Variants in NPR3 observed in about 807,000 individuals in gnomAD.
The protein encoded by NPR3 is atrial natriuretic peptide receptor 3.
Under a neutral mutation model 54.5 loss-of-function variants are expected in NPR3, and 34 were observed. That is an observed-to-expected ratio of 0.62 (90% CI 0.47 to 0.83). The LOEUF is 0.83. NPR3 is among the 40% of genes least tolerant of loss of function. The pLI is 0.00. For missense variants in NPR3, 674 were observed against 720.8 expected (o/e 0.94, Z 0.74); for synonymous variants, 289 against 297.1 (o/e 0.97, Z 0.28).
At chr5:32,713,894 C>T (rs1738400909) in intron 1 of NPR3, among the ~76,000 whole-genome samples, 1 of 152,254 alleles carries the variant, frequency 6.6e-6, no homozygotes, top group Non-Finnish European at 1.5e-5. Context: ...GAACTCCAGG[C>T]TGTCTGTGCC....
At chr5:32,702,114 G>T (rs1466818275) in intron 1 of NPR3, among the ~76,000 whole-genome samples, 1 of 152,110 alleles carries the variant, frequency 6.6e-6, no homozygotes, top group Non-Finnish European at 1.5e-5. Context: ...TTCTCTTCAG[G>T]ATGCTGAGTT....
intron 3 of NPR3, among the ~76,000 whole-genome samples, chr5:32,754,040 C>T (rs141480441): frequency 5.3e-5 from 8 of 152,296 alleles, no homozygotes; most frequent in East Asian, 1.9e-4. Context: ...ACTGACAGGC[C>T]ACTGCCAGCT....
At chr5:32,775,181 T>TA (rs1243130571) in intron 4 of NPR3, among the ~76,000 whole-genome samples, 1 of 152,200 alleles carries the variant, frequency 6.6e-6, no homozygotes, top group Non-Finnish European at 1.5e-5. Flanking sequence ...TAATCCCAGA[T>TA]ATACATTCAT....
At chr5:32,773,387 G>C (rs994035374) in intron 3 of NPR3, among the ~76,000 whole-genome samples, 5 of 152,230 alleles carry the variant, frequency 3.3e-5, no homozygotes, top group Middle Eastern at 3.4e-3. Flanking sequence ...TAGGTAAGGG[G>C]TGAACTAAAG....
chr5:32,713,040 T>C (rs1259873454), intron 1 of NPR3: 2 of 431,222 alleles, frequency 4.6e-6, no homozygotes, highest in Non-Finnish European at 6.2e-6. Flanking sequence ...TTGGGGTTTC[T>C]CTGACTGTTG....
intron 3 of NPR3, among the ~76,000 whole-genome samples, chr5:32,750,095 T>C (rs911703094): frequency 6.6e-6 from 1 of 152,188 alleles, no homozygotes; most frequent in African/African-American, 2.4e-5. Flanking sequence ...ACTTTGGTTG[T>C]AGTTTTTCAG....
intron 3 of NPR3, among the ~76,000 whole-genome samples, chr5:32,764,528 C>T (rs1440156548): frequency 1.3e-5 from 2 of 152,068 alleles, no homozygotes; most frequent in Non-Finnish European, 2.9e-5. Context: ...TGGCTCCTGT[C>T]TGTAATCCCA....
chr5:32,750,554 G>A (rs1303603381), intron 3 of NPR3, among the ~76,000 whole-genome samples: 1 of 152,052 alleles, frequency 6.6e-6, no homozygotes, highest in African/African-American at 2.4e-5. Flanking sequence ...GTGTTTATAT[G>A]GCTGTGATTT....
chr5:32,737,296 C>T (rs758407352), intron 2 of NPR3, among the ~76,000 whole-genome samples: 7 of 152,204 alleles, frequency 4.6e-5, no homozygotes, highest in Non-Finnish European at 8.8e-5. Context: ...ACATGTCACA[C>T]CCTCAGCCTC....
At chr5:32,719,172 T>C (rs1738718010) in intron 1 of NPR3, among the ~76,000 whole-genome samples, 1 of 152,238 alleles carries the variant, frequency 6.6e-6, no homozygotes. Flanking sequence ...TTTGCGTATG[T>C]TGAACCTGCC....
intron 5 of NPR3, among the ~76,000 whole-genome samples, chr5:32,781,021 C>T (rs184273247): frequency 2.1e-4 from 32 of 152,268 alleles, no homozygotes; most frequent in African/African-American, 7.0e-4. Flanking sequence ...TCCTACCCTT[C>T]AAGTGGCCAA....
rs142876886 is a variant in NPR3 at position 32,789,455 on chromosome 5, T to C, written c.*3110T>C. On this transcript the variant is annotated 3_prime_UTR_variant, in exon 8 of 8. Transcript: ENST00000265074. ...TCTCTGAAGAACCATCAACTTGTCT[T>C]TTCTTGAACCACAGGAATGGTTCTA... 4.7e-5 allele frequency: 25 copies of C among 532,604 alleles called. No homozygotes were observed. The East Asian group carries it at 1.4e-3, about 29-fold the overall frequency. The allele number at this position is 532,604 out of a possible 1,614,324, so 33.0% of individuals were successfully genotyped here.
chr5:32,746,270 TTTATAA>T (rs1416573970), intron 3 of NPR3, among the ~76,000 whole-genome samples: 4 of 152,352 alleles, frequency 2.6e-5, no homozygotes, highest in East Asian at 3.9e-4. Context: ...GTGTTAACAC[TTTATAA>T]TTATGTACAA....
chr5:32,696,140 T>A (rs1740527221), intron 1 of NPR3, among the ~76,000 whole-genome samples: 1 of 152,206 alleles, frequency 6.6e-6, no homozygotes, highest in Non-Finnish European at 1.5e-5. Context: ...CTTGTAGCAG[T>A]TTCATAGTTT....
intron 2 of NPR3, among the ~76,000 whole-genome samples, chr5:32,735,849 C>T (rs1216333828): frequency 6.6e-6 from 1 of 152,110 alleles, no homozygotes; most frequent in Non-Finnish European, 1.5e-5. Context: ...AGCAAGAAGT[C>T]GTAGTATCAG....
chr5:32,697,946 T>A (rs1446499646), intron 1 of NPR3, among the ~76,000 whole-genome samples: 1 of 152,044 alleles, frequency 6.6e-6, no homozygotes, highest in Non-Finnish European at 1.5e-5. Flanking sequence ...CTTTTCATTT[T>A]GTTCATCTTT....
intron 1 of NPR3, among the ~76,000 whole-genome samples, chr5:32,692,580 T>A (rs1740420050): frequency 2.0e-5 from 3 of 152,224 alleles, no homozygotes; most frequent in Admixed American, 2.0e-4. Context: ...ATGTCAAGAA[T>A]TTTCCTGATG....
Position 32,711,622 on chromosome 5 carries a change from T to C in NPR3, c.-155T>C. ...CAGAGAAGGACGCTTCCTCTCTATCTTTTGGCGCATTAGTGAAGGGGGTAT... is the reference window on the plus strand; with the variant it reads ...CAGAGAAGGACGCTTCCTCTCTATCCTTTGGCGCATTAGTGAAGGGGGTAT... On this transcript the variant is annotated 5_prime_UTR_variant, in exon 1 of 8. Transcript: ENST00000265074. The C allele has an allele frequency of 8.0e-7, 1 of 1,257,414 alleles. No individual in the cohort carries two copies. The highest frequency in any genetic ancestry group is 9.9e-7 in the Non-Finnish European group (1 of 1,005,228). The allele number at this position is 1,257,414 out of a possible 1,614,324, so 77.9% of individuals were successfully genotyped here. A position where few individuals can be genotyped will look rare whatever the true frequency, so the allele number is the denominator to read the frequency against.
chr5:32,738,725 C>T (rs992406923), intron 2 of NPR3, 139 bp from the exon 3 acceptor site: 7 of 670,460 alleles, frequency 1.0e-5, no homozygotes, highest in Non-Finnish European at 1.8e-5. Context: ...TCCCATCATA[C>T]CTAAGTGCAA....
Sources: gnomAD v4.1 joint callset for allele counts (sites outside exome capture counted in the v4.1 genomes callset) on GRCh38, gnomAD v4.1.1 for gene constraint, MANE v1.5 for transcripts, NCBI Gene and HGNC (gene_info 2026-07-23, HGNC 2026-07-21) for gene names.